The following METAP1D variants were observed in gnomAD, a reference collection of about 807,000 sequenced individuals.
METAP1D encodes methionyl aminopeptidase type 1D, mitochondrial.
In METAP1D, 31 loss-of-function variants were observed where a neutral mutation model predicts 40.5. The observed-to-expected ratio is 0.77, with a 90% CI of 0.58 to 1.03. The LOEUF is 1.03. Among genes scored for constraint, METAP1D ranks in the 50% least tolerant of loss-of-function variants. The probability of loss-of-function intolerance (pLI) is 0.00; values close to 1 mark genes in which losing one functional copy is unlikely to be tolerated. For synonymous variants in METAP1D, 151 were observed against 146.4 expected (o/e 1.03, Z -0.22); for missense variants, 411 against 420.7 (o/e 0.98, Z 0.20).
chr2:172,032,108 T>C (rs577299903), intron 1 of METAP1D, among the ~76,000 whole-genome samples: 1 of 152,312 alleles, frequency 6.6e-6, no homozygotes, highest in African/African-American at 2.4e-5. Context: ...TGGTTTTGGG[T>C]TTCCTTCTTA....
At chr2:172,011,334 G>C (rs1239765971) in intron 1 of METAP1D, among the ~76,000 whole-genome samples, 3 of 150,216 alleles carry the variant, frequency 2.0e-5, no homozygotes, top group Admixed American at 2.0e-4. Flanking sequence ...GCCCAGGCTG[G>C]AGTGCAGTGG....
chr2:172,010,797 G>A (rs1487217715), intron 1 of METAP1D, among the ~76,000 whole-genome samples: 1 of 144,162 alleles, frequency 6.9e-6, no homozygotes, highest in African/African-American at 2.6e-5. Context: ...CACCCAGGCT[G>A]GAGTGCAGTG....
chr2:172,063,888 C>T (rs1690191641), intron 3 of METAP1D, 28 bp downstream of exon 3: 2 of 1,578,030 alleles, frequency 1.3e-6, no homozygotes, highest in Non-Finnish European at 1.7e-6. Flanking sequence ...CTCAGAACGA[C>T]TTACATAAGG....
chr2:172,036,471 T>C (rs1332354870), intron 1 of METAP1D, among the ~76,000 whole-genome samples: 2 of 150,722 alleles, frequency 1.3e-5, no homozygotes, highest in East Asian at 4.0e-4. Context: ...GTTCACGCCA[T>C]TCTCCTGCCT....
Position 172,070,921 on chromosome 2 carries a change from C to T in METAP1D, c.555C>T (p.Gly185=). The change falls in exon 6 of 10, where the codon GGC becomes GGT. Residue 185 remains glycine, a synonymous_variant. Transcript: ENST00000315796. ...INIDVTVYYN[G]YHGDTSETFL... Reference sequence around the variant, plus strand: ...CTTATGTTTAGGTCTATTACAATGGCTACCATGGAGACACCTCTGAAACAT... The same window carrying T: ...CTTATGTTTAGGTCTATTACAATGGTTACCATGGAGACACCTCTGAAACAT... 1 of 1,609,110 alleles carries T rather than the reference C, an allele frequency of 6.2e-7. No individual in the cohort carries two copies. Among genetic ancestry groups the T allele is most frequent in the Non-Finnish European group, 8.5e-7 (1 of 1,177,258 alleles).
At chr2:172,005,545 T>TATA (rs1558990285) in intron 1 of METAP1D, among the ~76,000 whole-genome samples, 1 of 99,556 alleles carries the variant, frequency 1.0e-5, no homozygotes, top group African/African-American at 3.0e-5. Context: ...TATATATATA[T>TATA]CTTTTTTTTT....
At chr2:172,068,384 ACT>A (rs1187544707) in intron 5 of METAP1D, among the ~76,000 whole-genome samples, 1 of 152,042 alleles carries the variant, frequency 6.6e-6, no homozygotes, top group African/African-American at 2.4e-5. Flanking sequence ...ACAGAGCGAG[ACT>A]CTGTCTCAAA....
chr2:172,073,671 A>G (rs1289883848), intron 6 of METAP1D, among the ~76,000 whole-genome samples: 1 of 152,214 alleles, frequency 6.6e-6, no homozygotes, highest in African/African-American at 2.4e-5. Context: ...TGATGTGTTA[A>G]AGCAGTGTTT....
intron 1 of METAP1D, among the ~76,000 whole-genome samples, chr2:172,045,739 A>ATGTGTATATATGTATATATG (rs1349441520): frequency 1.2e-5 from 1 of 80,642 alleles, no homozygotes; most frequent in African/African-American, 4.1e-5. Context: ...GTGTATATAT[A>ATGTGTATATATGTATATATG]TGTGTATATA....
At chr2:172,071,124 TTGG>T in intron 6 of METAP1D, 54 bp downstream of exon 6, 1 of 1,438,002 alleles carries the variant, frequency 7.0e-7, no homozygotes, top group Admixed American at 2.5e-5. Context: ...ACAAAGGTTA[TTGG>T]TGGCTTGGTA....
intron 1 of METAP1D, among the ~76,000 whole-genome samples, chr2:172,019,366 A>G (rs921162904): frequency 2.6e-5 from 4 of 152,100 alleles, no homozygotes; most frequent in African/African-American, 9.7e-5. Context: ...AACTATTAAT[A>G]ATATACTCAA....
Position 172,062,156 on chromosome 2 carries a change from C to A in METAP1D, c.198+501C>A, listed in dbSNP as rs544530908. On this transcript the variant is annotated intron_variant, in intron 2 of 9. Coordinates refer to ENST00000315796, the MANE Select transcript of METAP1D (RefSeq NM_199227.3). ...CTTGGCTTTTTTTTTTCAGAGATTG[C>A]AATTCTGTGGAAAGGCAATCTATCC... Among the ~76,000 whole-genome samples the A allele has an allele frequency of 4.0e-5, 6 of 151,080 alleles. No homozygotes were observed. In the South Asian group the frequency reaches 1.2e-3, roughly 31 times the overall value.
At chr2:172,013,191 C>T (rs568261152) in intron 1 of METAP1D, among the ~76,000 whole-genome samples, 39 of 152,322 alleles carry the variant, frequency 2.6e-4, no homozygotes, top group Non-Finnish European at 4.9e-4. Flanking sequence ...CTTGTGTGTG[C>T]GCTCCGGCTG....
chr2:172,028,017 G>C (rs1164514959), intron 1 of METAP1D, among the ~76,000 whole-genome samples: 2 of 152,168 alleles, frequency 1.3e-5, no homozygotes, highest in Non-Finnish European at 2.9e-5. Context: ...TGGTACTAGT[G>C]GGGGCTGGGG....
chr2:172,039,758 C>T (rs1689473134), intron 1 of METAP1D, among the ~76,000 whole-genome samples: 3 of 151,272 alleles, frequency 2.0e-5, no homozygotes, highest in Middle Eastern at 3.5e-3. Context: ...ACCTCCGCCT[C>T]CCGGGTTCTA....
chr2:172,021,840 G>A (rs1689014912), intron 1 of METAP1D: 1 of 152,218 alleles, frequency 6.6e-6, no homozygotes. Flanking sequence ...AGGAGAGCAA[G>A]TTCTGCTGGT....
rs1553270217 is a variant in METAP1D, at chr2:172,042,198, C to CATATACAT, written c.41-19297_41-19290dup. On this transcript the variant is annotated intron_variant, in intron 1 of 9. Coordinates refer to ENST00000315796, the MANE Select transcript of METAP1D (RefSeq NM_199227.3). Reference sequence around the variant, plus strand: ...ACATATGTATGTGTACATGTGTACACATATACATATGTATGTGTACATGTG... The same window carrying CATATACAT: ...ACATATGTATGTGTACATGTGTACACATATACATATATACATATGTATGTGTACATGTG... 1.6e-4 allele frequency among the ~76,000 whole-genome samples: 3 copies of CATATACAT among 18,328 alleles called. 1 individual carries two copies. Among genetic ancestry groups the CATATACAT allele is most frequent in the African/African-American group, 3.7e-4 (2 of 5,400 alleles). 12.0% of individuals were successfully genotyped at this position (18,328 alleles called of 152,430 possible).
chr2:172,009,778 T>C (rs1312870572), intron 1 of METAP1D, among the ~76,000 whole-genome samples: 1 of 152,020 alleles, frequency 6.6e-6, no homozygotes, highest in East Asian at 1.9e-4. Flanking sequence ...GCCATTGCAG[T>C]CAGTTAGAAG....
chr2:172,043,050 C>T (rs1426330315), intron 1 of METAP1D, among the ~76,000 whole-genome samples: 1 of 115,672 alleles, frequency 8.6e-6, no homozygotes, highest in Non-Finnish European at 2.0e-5. Context: ...CACGTGTACA[C>T]ATATATGTGT....
Sources: gnomAD v4.1 joint callset for allele counts (sites outside exome capture counted in the v4.1 genomes callset) on GRCh38, gnomAD v4.1.1 for gene constraint, MANE v1.5 for transcripts, NCBI Gene and HGNC (gene_info 2026-07-23, HGNC 2026-07-21) for gene names.